CHIC1: variants seen among roughly 807,000 people sequenced by gnomAD.
CHIC1 encodes cysteine-rich hydrophobic domain-containing protein 1.
CHIC1 carries 7 observed loss-of-function variants against 18.5 expected under a neutral mutation model. That is an observed-to-expected ratio of 0.38 (90% CI 0.22 to 0.71). The LOEUF (loss-of-function observed/expected upper bound fraction) is 0.71. CHIC1 is among the 30% of genes least tolerant of loss of function. The probability of loss-of-function intolerance (pLI) is 0.49; values close to 1 mark genes in which losing one functional copy is unlikely to be tolerated. For missense variants in CHIC1, 159 were observed against 176.9 expected, an observed-to-expected ratio of 0.90 and a Z score of 0.57; for synonymous variants, 77 against 73.5, an observed-to-expected ratio of 1.05 and a Z score of -0.25.
In CHIC1 at chrX:73,682,904, G is replaced by A. The variant is rs771515971; in HGVS notation, c.*1899G>A. On this transcript the variant is annotated 3_prime_UTR_variant, in exon 6 of 6. Coordinates refer to ENST00000373502, the MANE Select transcript of CHIC1 (RefSeq NM_001039840.4). The stretch of plus-strand genomic sequence containing the variant: ...TTCCAGCTAATGTTATCAAATTTAT[G>A]CTTCAAACTGTGATATTTTAATACC... 9.0e-6 allele frequency: 1 copy of A among 111,687 alleles called. No homozygotes were observed. The highest frequency in any genetic ancestry group is 2.8e-4 in the East Asian group (1 of 3,543). 9.2% of individuals were successfully genotyped at this position (111,687 alleles called of 1,213,427 possible).
intron 3 of CHIC1, among the ~76,000 whole-genome samples, chrX:73,618,397 G>A (rs1279282743): frequency 1.8e-5 from 2 of 111,340 alleles, no homozygotes; most frequent in Non-Finnish European, 3.8e-5. Context: ...TATCACATGA[G>A]GGTACGGTTG....
chrX:73,621,476 G>T (rs539641302), intron 3 of CHIC1, among the ~76,000 whole-genome samples: 1 of 111,535 alleles, frequency 9.0e-6, no homozygotes, highest in East Asian at 2.8e-4. Context: ...ATGGGAGTTC[G>T]CTCATGATTT....
At chrX:73,577,778 T>G (rs1311676572) in intron 2 of CHIC1, among the ~76,000 whole-genome samples, 1 of 110,761 alleles carries the variant, frequency 9.0e-6, no homozygotes, top group African/African-American at 3.3e-5. Flanking sequence ...CTTTTAGAGT[T>G]AAAGTTATTT....
intron 3 of CHIC1, among the ~76,000 whole-genome samples, chrX:73,643,619 C>G (rs907546631): frequency 2.7e-5 from 3 of 111,782 alleles, no homozygotes; most frequent in Admixed American, 9.5e-5. Flanking sequence ...TCATTCATTT[C>G]GTCTTCCATC....
chrX:73,566,564 A>G (rs954240838), intron 1 of CHIC1, among the ~76,000 whole-genome samples: 6 of 111,442 alleles, frequency 5.4e-5, no homozygotes, highest in Non-Finnish European at 1.1e-4. Flanking sequence ...AAAATAAGAC[A>G]AAAGCCTTCC....
At chrX:73,663,294 G>A (rs1444763140) in intron 3 of CHIC1, among the ~76,000 whole-genome samples, 1 of 111,110 alleles carries the variant, frequency 9.0e-6, no homozygotes, top group Non-Finnish European at 1.9e-5. Context: ...TAATTCATGG[G>A]CTCTTTGTAA....
chrX:73,684,306 A>G lies in CHIC1; in HGVS notation c.*3301A>G, dbSNP rs1038526517. 9 of 111,567 alleles carry G rather than the reference A, an allele frequency of 8.1e-5. No homozygotes were observed. The highest frequency in any genetic ancestry group is 2.9e-4 in the African/African-American group (9 of 30,835). The allele number at this position is 111,567 out of a possible 1,213,427, so 9.2% of individuals were successfully genotyped here. A position where few individuals can be genotyped will look rare whatever the true frequency, so the allele number is the denominator to read the frequency against. On this transcript the variant is annotated 3_prime_UTR_variant, in exon 6 of 6. Coordinates refer to ENST00000373502, the MANE Select transcript of CHIC1 (RefSeq NM_001039840.4). ...CAAAACCCATTTAAGTATTTAATGT[A>G]CATACTATTCATATTATTATGGCCT...
intron 3 of CHIC1, among the ~76,000 whole-genome samples, chrX:73,646,988 T>C (rs1240390546): frequency 8.9e-6 from 1 of 112,151 alleles, no homozygotes; most frequent in Non-Finnish European, 1.9e-5. Flanking sequence ...TGGTGAGAGA[T>C]AGGATTCTAG....
intron 1 of CHIC1, 111 bp downstream of exon 1, chrX:73,563,691 C>G: frequency 4.0e-6 from 3 of 758,005 alleles, no homozygotes; most frequent in Non-Finnish European, 3.5e-6. Context: ...TTGACTGAGG[C>G]GTACACTTAG....
In CHIC1 at chrX:73,678,583, G is replaced by A. The variant is rs375476307; in HGVS notation, c.508-743G>A. Among the ~76,000 whole-genome samples the A allele has an allele frequency of 2.2e-3, 244 of 112,224 alleles. 1 individual carries two copies. Among genetic ancestry groups the A allele is most frequent in the Non-Finnish European group, 4.1e-3 (216 of 53,189 alleles). On this transcript the variant is annotated intron_variant, in intron 3 of 5. Coordinates refer to ENST00000373502, the MANE Select transcript of CHIC1 (RefSeq NM_001039840.4). ...ATTAGTTCTCAGGTAGGGCACACTG[G>A]TGTTGGCAATGTCCATGATGGGCTA...
At chrX:73,645,576 T>C (rs1310406288) in intron 3 of CHIC1, among the ~76,000 whole-genome samples, 1 of 112,176 alleles carries the variant, frequency 8.9e-6, no homozygotes, top group African/African-American at 3.2e-5. Flanking sequence ...ACACTTGTTA[T>C]CTTTTGTCTT....
intron 3 of CHIC1, among the ~76,000 whole-genome samples, chrX:73,604,119 G>T (rs2057666990): frequency 9.4e-6 from 1 of 106,319 alleles, no homozygotes; most frequent in Non-Finnish European, 1.9e-5. Context: ...ATTCAGCTGT[G>T]AATCCATCTG....
intron 1 of CHIC1, among the ~76,000 whole-genome samples, chrX:73,573,586 T>C (rs539227768): frequency 9.0e-6 from 1 of 111,616 alleles, no homozygotes; most frequent in African/African-American, 3.2e-5. Context: ...TTCTGTCATC[T>C]CTGATTTCTT....
At chrX:73,582,830 AT>A (rs1453834110) in intron 2 of CHIC1, among the ~76,000 whole-genome samples, 1 of 110,476 alleles carries the variant, frequency 9.1e-6, no homozygotes, top group Non-Finnish European at 1.9e-5. Flanking sequence ...TTTGCCTAGG[AT>A]TTTTCATAGC....
chrX:73,625,108 AT>A (rs371290609), intron 3 of CHIC1, among the ~76,000 whole-genome samples: 5,761 of 107,087 alleles, frequency 0.054, 176 homozygotes, highest in Non-Finnish European at 0.086. Flanking sequence ...ACACAAAAGA[AT>A]TTTTTTTTTT....
intron 3 of CHIC1, among the ~76,000 whole-genome samples, chrX:73,650,869 G>T (rs190138017): frequency 9.0e-6 from 1 of 111,123 alleles, no homozygotes. Context: ...ACCCAAACCT[G>T]GCAGAGACAC....
chrX:73,619,088 T>C (rs943991439), intron 3 of CHIC1, among the ~76,000 whole-genome samples: 28 of 112,244 alleles, frequency 2.5e-4, no homozygotes, highest in Non-Finnish European at 2.3e-4. Flanking sequence ...AGTGAGGGTG[T>C]GTGTTCAGGG....
chrX:73,594,142 C>CTTTGTTTTGT lies in CHIC1; in HGVS notation c.507+9607_507+9616dup, dbSNP rs199752892. 0.053 allele frequency among the ~76,000 whole-genome samples: 5,398 copies of CTTTGTTTTGT among 101,515 alleles called. 598 individuals are homozygous for CTTTGTTTTGT. In the East Asian group the frequency reaches 0.67, roughly 13 times the overall value. The allele number at this position is 101,515 out of a possible 115,157, so 88.2% of individuals were successfully genotyped here. On this transcript the variant is annotated intron_variant, in intron 3 of 5. Coordinates refer to ENST00000373502, the MANE Select transcript of CHIC1 (RefSeq NM_001039840.4). ...GTGAATGTTGTGTACAGGTGCTTTC[C>CTTTGTTTTGT]TTTGTTTTGTTTTGTTTTGTTTTGT...
In CHIC1 at chrX:73,637,700, G is replaced by A. The variant is rs1162648105; in HGVS notation, c.508-41626G>A. Among the ~76,000 whole-genome samples, 5 of 111,095 alleles carry A rather than the reference G, an allele frequency of 4.5e-5. No individual in the cohort carries two copies. The Admixed American group carries it at 4.8e-4, about 11-fold the overall frequency. ...GTGTTTTTCAACTCCAGAATTTGGT[G>A]TGGTTTCTTTTTACATATTCTATCT... On this transcript the variant is annotated intron_variant, in intron 3 of 5. Transcript: ENST00000373502.
Sources: allele counts gnomAD v4.1 joint callset (sites outside exome capture counted in the v4.1 genomes callset), GRCh38; gene constraint gnomAD v4.1.1; transcripts MANE v1.5; gene names NCBI Gene and HGNC (gene_info 2026-07-23, HGNC 2026-07-21).